Variants in NRXN3 observed in about 807,000 individuals in gnomAD.
The protein encoded by NRXN3 is neurexin 3, also known as neurexin III.
Under a neutral mutation model 137.6 loss-of-function variants are expected in NRXN3, and 32 were observed. The observed-to-expected ratio is 0.23, with a 90% CI of 0.18 to 0.31. The LOEUF (loss-of-function observed/expected upper bound fraction) is 0.31, where lower values mean the gene tolerates loss of function less well. NRXN3 is among the 10% of genes least tolerant of loss of function. The pLI, the probability that NRXN3 is intolerant of heterozygous loss-of-function variation, is 1.00. For missense variants in NRXN3, 1,574 were observed against 2,062.5 expected, an observed-to-expected ratio of 0.76 and a Z score of 4.59; for synonymous variants, 798 against 784.5, an observed-to-expected ratio of 1.02 and a Z score of -0.29.
At chr14:79,303,126 C>T (rs961213916) in intron 15 of NRXN3, among the ~76,000 whole-genome samples, 2 of 151,970 alleles carry the variant, frequency 1.3e-5, no homozygotes, top group Non-Finnish European at 2.9e-5. Flanking sequence ...AAGCTTGTGC[C>T]CTCCTACTGC....
At chr14:79,701,432 A>G (rs1293477038) in intron 19 of NRXN3, among the ~76,000 whole-genome samples, 1 of 152,036 alleles carries the variant, frequency 6.6e-6, no homozygotes, top group African/African-American at 2.4e-5. Flanking sequence ...CTTTGCCTGG[A>G]GGGTCTGGCT....
chr14:79,387,563 G>T (rs942337443), intron 15 of NRXN3, among the ~76,000 whole-genome samples: 2 of 152,098 alleles, frequency 1.3e-5, no homozygotes, highest in Non-Finnish European at 2.9e-5. Flanking sequence ...CAGGGATCTA[G>T]AACTAGAAAT....
intron 15 of NRXN3, among the ~76,000 whole-genome samples, chr14:79,308,844 CTTT>C (rs34580008): frequency 5.6e-5 from 5 of 89,386 alleles, no homozygotes; most frequent in African/African-American, 2.0e-4. Flanking sequence ...GGGAAGCATT[CTTT>C]TTTTTTTTTT....
At chr14:79,537,079 G>C (rs1044656256) in intron 16 of NRXN3, among the ~76,000 whole-genome samples, 2 of 152,166 alleles carry the variant, frequency 1.3e-5, no homozygotes, top group African/African-American at 4.8e-5. Flanking sequence ...CCCACCAACA[G>C]TGTAAAAGCA....
At chr14:78,576,517 A>T (rs1289167466) in intron 4 of NRXN3, among the ~76,000 whole-genome samples, 1 of 152,204 alleles carries the variant, frequency 6.6e-6, no homozygotes, top group Non-Finnish European at 1.5e-5. Flanking sequence ...CTGATCTCGG[A>T]TAGCTGGCGC....
intron 8 of NRXN3, among the ~76,000 whole-genome samples, chr14:78,791,855 C>A (rs190171797): frequency 1.3e-5 from 2 of 152,180 alleles, no homozygotes; most frequent in African/African-American, 4.8e-5. Context: ...ACATATTCTG[C>A]CATCTCTGAA....
intron 15 of NRXN3, among the ~76,000 whole-genome samples, chr14:79,344,257 A>G (rs181358615): frequency 1.1e-3 from 166 of 152,260 alleles, no homozygotes; most frequent in African/African-American, 3.7e-3. Context: ...CTGACCATGT[A>G]GGAGTCTAGT....
intron 15 of NRXN3, among the ~76,000 whole-genome samples, chr14:79,292,130 A>G (rs2083303035): frequency 6.6e-6 from 1 of 152,230 alleles, no homozygotes; most frequent in Non-Finnish European, 1.5e-5. Context: ...GTGCAAATGT[A>G]GAACAGTTCC....
intron 15 of NRXN3, among the ~76,000 whole-genome samples, chr14:79,304,075 G>A (rs1020877288): frequency 5.9e-5 from 9 of 152,072 alleles, no homozygotes; most frequent in African/African-American, 1.9e-4. Context: ...ACACAAGCAA[G>A]GGAAACGTGC....
At chr14:78,375,972 A>C (rs1027156695) in intron 4 of NRXN3, among the ~76,000 whole-genome samples, 3 of 151,256 alleles carry the variant, frequency 2.0e-5, no homozygotes, top group African/African-American at 7.3e-5. Context: ...TTTTTTAAAA[A>C]TTTTTGCTGG....
intron 6 of NRXN3, among the ~76,000 whole-genome samples, chr14:78,670,527 T>C (rs1159710548): frequency 6.6e-6 from 1 of 152,180 alleles, no homozygotes; most frequent in Non-Finnish European, 1.5e-5. Flanking sequence ...CTATTCAATA[T>C]GGAGTTTCTG....
chr14:79,652,173 A>AAACAC (rs751884569), intron 16 of NRXN3, among the ~76,000 whole-genome samples: 4 of 152,208 alleles, frequency 2.6e-5, no homozygotes, highest in African/African-American at 4.8e-5. Context: ...ATTCAAACAC[A>AAACAC]AACACACACA....
intron 1 of NRXN3, among the ~76,000 whole-genome samples, chr14:78,172,654 G>T (rs190225538): frequency 7.9e-5 from 12 of 152,218 alleles, no homozygotes; most frequent in Admixed American, 4.6e-4. Flanking sequence ...CTTCTGGAAG[G>T]GGGGGAAAAG....
chr14:78,557,717 A>G (rs1181962186), intron 4 of NRXN3, among the ~76,000 whole-genome samples: 1 of 152,176 alleles, frequency 6.6e-6, no homozygotes, highest in South Asian at 2.1e-4. Context: ...CCCAACTTCT[A>G]ACTGTTAATA....
chr14:79,856,374 T>C (rs2099402558), intron 20 of NRXN3, among the ~76,000 whole-genome samples: 1 of 152,168 alleles, frequency 6.6e-6, no homozygotes, highest in Non-Finnish European at 1.5e-5. Flanking sequence ...GAAAAATTAA[T>C]TCTTGGGGGG....
chr14:79,056,999 G>A (rs1427526554), intron 15 of NRXN3, among the ~76,000 whole-genome samples: 1 of 152,186 alleles, frequency 6.6e-6, no homozygotes, highest in Non-Finnish European at 1.5e-5. Flanking sequence ...TAGCCCAAAG[G>A]CTGTCAGATT....
intron 19 of NRXN3, among the ~76,000 whole-genome samples, chr14:79,720,182 A>G (rs907009262): frequency 6.6e-6 from 1 of 152,114 alleles, no homozygotes; most frequent in African/African-American, 2.4e-5. Flanking sequence ...GACACGTTTT[A>G]CATGTCAGCA....
intron 6 of NRXN3, among the ~76,000 whole-genome samples, chr14:78,694,513 TTAGA>T (rs1567076802): frequency 2.6e-5 from 4 of 152,036 alleles, no homozygotes; most frequent in African/African-American, 4.8e-5. Context: ...GTCATAAGAA[TTAGA>T]TAGCCTCCAG....
intron 17 of NRXN3, among the ~76,000 whole-genome samples, chr14:79,673,079 G>A (rs1603412425): frequency 6.6e-6 from 1 of 152,078 alleles, no homozygotes; most frequent in East Asian, 1.9e-4. Flanking sequence ...ATCTCAAAGA[G>A]ATAAAGACCT....
Sources: gnomAD v4.1 joint callset for allele counts (sites outside exome capture counted in the v4.1 genomes callset) on GRCh38, gnomAD v4.1.1 for gene constraint, MANE v1.5 for transcripts, NCBI Gene and HGNC (gene_info 2026-07-23, HGNC 2026-07-21) for gene names.